The following SMYD3 variants were observed in gnomAD, a reference collection of about 807,000 sequenced individuals.
The protein encoded by SMYD3 is histone-lysine N-methyltransferase SMYD3.
Under a neutral mutation model 57.7 loss-of-function variants are expected in SMYD3, and 36 were observed. That is an observed-to-expected ratio of 0.62 (90% CI 0.48 to 0.82). The LOEUF is 0.82. SMYD3 is among the 40% of genes least tolerant of loss of function. The probability of loss-of-function intolerance (pLI) is 0.00; values close to 1 mark genes in which losing one functional copy is unlikely to be tolerated. For synonymous variants in SMYD3, 211 were observed against 195.0 expected (o/e 1.08, Z -0.68); for missense variants, 515 against 538.8 (o/e 0.96, Z 0.44).
intron 1 of SMYD3, among the ~76,000 whole-genome samples, chr1:246,433,031 T>A (rs1482795399): frequency 6.6e-6 from 1 of 152,172 alleles, no homozygotes; most frequent in Non-Finnish European, 1.5e-5. Flanking sequence ...AGTCAAACTC[T>A]CTCTCTTTGC....
chr1:246,175,594 C>G (rs995904974), intron 5 of SMYD3, among the ~76,000 whole-genome samples: 1 of 152,134 alleles, frequency 6.6e-6, no homozygotes, highest in Non-Finnish European at 1.5e-5. Context: ...TGTGAACTAT[C>G]GAGGAAGACA....
At chr1:245,866,625 G>A (rs1302244539) in intron 8 of SMYD3, among the ~76,000 whole-genome samples, 1 of 152,094 alleles carries the variant, frequency 6.6e-6, no homozygotes, top group Non-Finnish European at 1.5e-5. Flanking sequence ...CCAGATACTT[G>A]GGAGGCTGAG....
At chr1:246,094,783 C>G (rs1216399421) in intron 5 of SMYD3, among the ~76,000 whole-genome samples, 1 of 152,128 alleles carries the variant, frequency 6.6e-6, no homozygotes, top group Non-Finnish European at 1.5e-5. Context: ...CCAGAAATAC[C>G]AGAAATCAGT....
rs1249767811 is a variant in SMYD3 at position 246,482,677 on chromosome 1, CT to C, written c.164+24376del. Among the ~76,000 whole-genome samples the C allele has an allele frequency of 2.0e-5, 3 of 152,318 alleles. No individual in the cohort carries two copies. In the East Asian group the frequency reaches 5.8e-4, roughly 29 times the overall value. ...CTTTCTTCTAAAGAAGGGCCAGCCC[CT>C]GAACTAAAAGACATATAATTTTGGC... On this transcript the variant is annotated intron_variant, in intron 1 of 11. Coordinates refer to ENST00000490107, the MANE Select transcript of SMYD3 (RefSeq NM_001167740.2).
At chr1:245,779,466 G>A (rs983000112) in intron 10 of SMYD3, among the ~76,000 whole-genome samples, 1 of 152,172 alleles carries the variant, frequency 6.6e-6, no homozygotes, top group Non-Finnish European at 1.5e-5. Context: ...CAACAGGCTA[G>A]TTCTCCATCC....
chr1:246,267,545 A>G lies in SMYD3; in HGVS notation c.531+59656T>C, dbSNP rs182640483. 1.6e-3 allele frequency among the ~76,000 whole-genome samples: 251 copies of G among 152,354 alleles called. 3 individuals carry two copies. The highest frequency in any genetic ancestry group is 4.0e-4 in the Non-Finnish European group (27 of 68,032). ...TGCCAGCAAACTGTTCCTGGTATAT[A>G]GAAAACAGATCTTATCTAAGAATTC... On this transcript the variant is annotated intron_variant, in intron 5 of 11. Coordinates refer to ENST00000490107, the MANE Select transcript of SMYD3 (RefSeq NM_001167740.2).
chr1:245,960,429 T>TA (rs1475311465), intron 5 of SMYD3, among the ~76,000 whole-genome samples: 1 of 152,206 alleles, frequency 6.6e-6, no homozygotes, highest in Non-Finnish European at 1.5e-5. Flanking sequence ...AACCAACTGA[T>TA]AGATTGGTTC....
chr1:245,989,471 A>G (rs1483532660), intron 5 of SMYD3, among the ~76,000 whole-genome samples: 1 of 152,266 alleles, frequency 6.6e-6, no homozygotes, highest in African/African-American at 2.4e-5. Flanking sequence ...GCAGCAAAGT[A>G]GCACAAATCC....
chr1:245,820,707 C>G (rs1336179764), intron 10 of SMYD3, among the ~76,000 whole-genome samples: 1 of 151,870 alleles, frequency 6.6e-6, no homozygotes, highest in Non-Finnish European at 1.5e-5. Context: ...TCTCAGGGTA[C>G]AAAATCAATG....
At chr1:245,850,692 C>T (rs2050924734) in intron 10 of SMYD3, among the ~76,000 whole-genome samples, 1 of 152,144 alleles carries the variant, frequency 6.6e-6, no homozygotes, top group Admixed American at 6.5e-5. Context: ...CAGAGCAAGA[C>T]CCTGTGTCTC....
intron 10 of SMYD3, among the ~76,000 whole-genome samples, chr1:245,854,634 C>T (rs1471174157): frequency 2.0e-5 from 3 of 151,890 alleles, no homozygotes; most frequent in African/African-American, 4.8e-5. Flanking sequence ...TAAGGAGGAC[C>T]TTTGGCTTGG....
rs151027142 is a variant in SMYD3 at position 246,491,727 on chromosome 1, G to T, written c.164+15327C>A. Among the ~76,000 whole-genome samples, 478 of 152,292 alleles carry T rather than the reference G, an allele frequency of 3.1e-3. 1 individual carries two copies. The highest frequency in any genetic ancestry group is 0.01 in the African/African-American group (424 of 41,556). On this transcript the variant is annotated intron_variant, in intron 1 of 11. Coordinates refer to ENST00000490107, the MANE Select transcript of SMYD3 (RefSeq NM_001167740.2). ...CCTGGCTGATACCATCGGTCCTCTA[G>T]AGAGGAGCTGCAGGAACTGACCGAT...
chr1:246,093,000 T>C (rs951466177), intron 5 of SMYD3, among the ~76,000 whole-genome samples: 2 of 151,232 alleles, frequency 1.3e-5, no homozygotes, highest in African/African-American at 4.9e-5. Context: ...GCCCAACACA[T>C]ATATGAAAAA....
At chr1:245,924,808 G>T (rs1297847019) in intron 7 of SMYD3, among the ~76,000 whole-genome samples, 1 of 151,874 alleles carries the variant, frequency 6.6e-6, no homozygotes, top group Non-Finnish European at 1.5e-5. Flanking sequence ...GATTACAGGT[G>T]TGCGCCACCA....
intron 8 of SMYD3, among the ~76,000 whole-genome samples, chr1:245,880,169 T>C (rs1652171244): frequency 6.6e-6 from 1 of 152,256 alleles, no homozygotes; most frequent in Admixed American, 6.5e-5. Flanking sequence ...TAGTGAATGC[T>C]GTTCTTGCAG....
intron 5 of SMYD3, among the ~76,000 whole-genome samples, chr1:246,077,973 T>A (rs1260202811): frequency 3.9e-5 from 6 of 152,140 alleles, no homozygotes; most frequent in African/African-American, 1.4e-4. Flanking sequence ...AAATATATTA[T>A]TGTTGACATT....
At chr1:245,871,585 C>T (rs914618163) in intron 8 of SMYD3, among the ~76,000 whole-genome samples, 1 of 152,190 alleles carries the variant, frequency 6.6e-6, no homozygotes, top group African/African-American at 2.4e-5. Flanking sequence ...AGCAAATGTA[C>T]ACAACGATTA....
chr1:245,832,068 A>G (rs1283014352), intron 10 of SMYD3, among the ~76,000 whole-genome samples: 1 of 152,152 alleles, frequency 6.6e-6, no homozygotes, highest in Non-Finnish European at 1.5e-5. Flanking sequence ...TTTCTAATGA[A>G]TGGGCAGGTC....
At chr1:246,169,596 A>G (rs930187592) in intron 5 of SMYD3, among the ~76,000 whole-genome samples, 1 of 152,126 alleles carries the variant, frequency 6.6e-6, no homozygotes, top group African/African-American at 2.4e-5. Flanking sequence ...GGGAGTCTCA[A>G]GTTTGAGTTC....
Sources: allele counts gnomAD v4.1 joint callset (sites outside exome capture counted in the v4.1 genomes callset), GRCh38; gene constraint gnomAD v4.1.1; transcripts MANE v1.5; gene names NCBI Gene and HGNC (gene_info 2026-07-23, HGNC 2026-07-21).